The following SLC7A1 variants were observed in gnomAD, a reference collection of about 807,000 sequenced individuals.
SLC7A1 encodes the protein solute carrier family 7 member 1.
In SLC7A1, 10 loss-of-function variants were observed where a neutral mutation model predicts 53.9. The ratio of observed to expected loss-of-function variants is 0.19; its 90% CI spans 0.11 to 0.31. The LOEUF is 0.31. Ranked by LOEUF, SLC7A1 falls within the 10% of genes least tolerant of loss-of-function variation. The probability of loss-of-function intolerance (pLI) is 1.00; values close to 1 mark genes in which losing one functional copy is unlikely to be tolerated. For missense variants in SLC7A1, 525 were observed against 827.2 expected, an observed-to-expected ratio of 0.63 and a Z score of 4.48; for synonymous variants, 342 against 338.7, an observed-to-expected ratio of 1.01 and a Z score of -0.11.
rs1753727976 is a variant in SLC7A1, at chr13:29,512,880, A to T, written c.*1600T>A. On this transcript the variant is annotated 3_prime_UTR_variant, in exon 13 of 13. Transcript: ENST00000380752. ...AACCTTCTGGGGGCACAGGGAGGGT[A>T]CAAGTGCCCTCAATTTATCAGGCTT... 6.6e-6 allele frequency: 1 copy of T among 152,268 alleles called. No individual in the cohort carries two copies. The highest frequency in any genetic ancestry group is 1.5e-5 in the Non-Finnish European group (1 of 68,054). The allele number at this position is 152,268 out of a possible 1,614,324, so 9.4% of individuals were successfully genotyped here.
intron 8 of SLC7A1, 35 bp from the exon 9 acceptor site, chr13:29,519,584 C>T: frequency 7.4e-7 from 1 of 1,342,292 alleles, no homozygotes; most frequent in Non-Finnish European, 1.1e-6. Flanking sequence ...CTGTGGAGGG[C>T]CATCTGCATG....
At chr13:29,583,513 T>G (rs967301878) in intron 1 of SLC7A1, among the ~76,000 whole-genome samples, 1 of 152,184 alleles carries the variant, frequency 6.6e-6, no homozygotes, top group Admixed American at 6.5e-5. Context: ...TCAAACTCTA[T>G]GCAGGGTGAC....
Position 29,511,331 on chromosome 13 carries a change from GT to G in SLC7A1, c.*3148del, listed in dbSNP as rs1883382640. On this transcript the variant is annotated 3_prime_UTR_variant, in exon 13 of 13. Coordinates refer to ENST00000380752, the MANE Select transcript of SLC7A1 (RefSeq NM_003045.5). ...GAGAAAATAAGTCACAGTGGAAAGA[GT>G]TTTTACTGCTGCAAAAACCAAAAGT... The G allele has an allele frequency of 6.6e-6, 1 of 152,260 alleles. No homozygotes were observed. The highest frequency in any genetic ancestry group is 6.5e-5 in the Admixed American group (1 of 15,286). 9.4% of individuals were successfully genotyped at this position (152,260 alleles called of 1,614,324 possible). A position where few individuals can be genotyped will look rare whatever the true frequency, so the allele number is the denominator to read the frequency against.
intron 3 of SLC7A1, among the ~76,000 whole-genome samples, chr13:29,535,521 G>T (rs897638839): frequency 1.3e-4 from 20 of 152,140 alleles, no homozygotes; most frequent in African/African-American, 4.8e-4. Flanking sequence ...TTAAAAGAAT[G>T]AATGAATGAA....
chr13:29,584,117 T>C (rs1242655689), intron 1 of SLC7A1, among the ~76,000 whole-genome samples: 2 of 109,988 alleles, frequency 1.8e-5, no homozygotes, highest in African/African-American at 2.5e-5. Flanking sequence ...AACTTTTTTT[T>C]TCTTTTTTTT....
intron 2 of SLC7A1, among the ~76,000 whole-genome samples, chr13:29,538,691 T>C (rs1294760932): frequency 6.6e-6 from 1 of 152,228 alleles, no homozygotes; most frequent in Non-Finnish European, 1.5e-5. Context: ...TCAAGTCAAA[T>C]TGCAAAGCAC....
At chr13:29,570,407 T>C (rs1295145003) in intron 1 of SLC7A1, among the ~76,000 whole-genome samples, 1 of 152,236 alleles carries the variant, frequency 6.6e-6, no homozygotes, top group Non-Finnish European at 1.5e-5. Flanking sequence ...CAAGTTACGC[T>C]ATGTTGCTGT....
At chr13:29,540,493 T>C (rs1221600146) in intron 2 of SLC7A1, among the ~76,000 whole-genome samples, 2 of 152,180 alleles carry the variant, frequency 1.3e-5, no homozygotes, top group African/African-American at 4.8e-5. Context: ...GACTCTCTTA[T>C]GTTCTATTTT....
chr13:29,530,778 G>A (rs1743258699), intron 4 of SLC7A1, 66 bp from the exon 5 acceptor site: 2 of 1,385,212 alleles, frequency 1.4e-6, no homozygotes, highest in Admixed American at 1.8e-5. Flanking sequence ...GGTCCTTCCT[G>A]GATGGGGATA....
chr13:29,553,470 G>A (rs1031369539), intron 2 of SLC7A1, among the ~76,000 whole-genome samples: 1 of 150,752 alleles, frequency 6.6e-6, no homozygotes, highest in Non-Finnish European at 1.5e-5. Context: ...GGAAGGCCTG[G>A]CCAGCCGTAG....
Position 29,514,528 on chromosome 13 carries a change from A to G in SLC7A1, c.1842T>C (p.Asp614=), listed in dbSNP as rs1162274039. 1 of 1,611,510 alleles carries G rather than the reference A, an allele frequency of 6.2e-7. No homozygotes were observed. Among genetic ancestry groups the G allele is most frequent in the South Asian group, 1.1e-5 (1 of 91,066 alleles). The change falls in exon 13 of 13, where the codon GAT becomes GAC. Residue 614 remains aspartate, a synonymous_variant. Transcript: ENST00000380752. ...GLWHSEEASL[D]ADQARTPDGN... is the part of the protein sequence containing the mutation. ...CGTCAGGAGTCCTTGCTTGGTCGGC[A>G]TCCAGGGACGCCTCCTCGCTGTGCC...
rs1470282167 is a variant in SLC7A1 at position 29,530,813 on chromosome 13, A to C, written c.530-101T>G. On this transcript the variant is annotated intron_variant, in intron 4 of 12. Coordinates refer to ENST00000380752, the MANE Select transcript of SLC7A1 (RefSeq NM_003045.5). ...AAGAAGGCGACTGAAAAAGAATCCAAGTGCATCGAGCCTCTGCAGACCTCT... is the reference window on the plus strand; with the variant it reads ...AAGAAGGCGACTGAAAAAGAATCCACGTGCATCGAGCCTCTGCAGACCTCT... 7.7e-6 allele frequency: 7 copies of C among 907,922 alleles called. No individual in the cohort carries two copies. The East Asian group carries it at 1.5e-4, about 20-fold the overall frequency. The allele number at this position is 907,922 out of a possible 1,614,324, so 56.2% of individuals were successfully genotyped here.
At position 29,517,628 on chromosome 13, in the gene SLC7A1, G is replaced by A. The variant is rs917342884; in HGVS notation, c.1455C>T (p.Asn485=). The change falls in exon 10 of 13, where the codon AAC becomes AAT. Residue 485 remains asparagine (N), a synonymous_variant. Transcript: ENST00000380752. ...GCCCAGAGATTTTGGAAGGCTCCATGTTTTTGGGTGAGAGTATGGTTTTCA... is the reference window on the plus strand; with the variant it reads ...GCCCAGAGATTTTGGAAGGCTCCATATTTTTGGGTGAGAGTATGGTTTTCA... ...FSLKTILSPK[N]MEPSKISGLI... 2 of 1,614,116 alleles carry A rather than the reference G, an allele frequency of 1.2e-6. No homozygotes were observed. The highest frequency in any genetic ancestry group is 1.6e-4 in the Middle Eastern group (1 of 6,084).
At chr13:29,537,317 C>A (rs546577426) in intron 2 of SLC7A1, among the ~76,000 whole-genome samples, 2 of 152,320 alleles carry the variant, frequency 1.3e-5, no homozygotes, top group East Asian at 3.9e-4. Context: ...GTCTTTCCCC[C>A]AAAAACCCAC....
At chr13:29,570,533 C>A (rs1871147889) in intron 1 of SLC7A1, among the ~76,000 whole-genome samples, 1 of 152,176 alleles carries the variant, frequency 6.6e-6, no homozygotes, top group Admixed American at 6.5e-5. Context: ...AGAAGTTAAA[C>A]TCTCAGGTTA....
Position 29,522,367 on chromosome 13 carries a change from T to TCATTGA in SLC7A1, c.1133_1138dup (p.Val378_Asn379dup). 6.2e-7 allele frequency: 1 copy of TCATTGA among 1,614,192 alleles called. No homozygotes were observed. Among genetic ancestry groups the TCATTGA allele is most frequent in the East Asian group, 2.2e-5 (1 of 44,890 alleles). On this transcript the variant is annotated inframe_insertion, in exon 8 of 13. Coordinates refer to ENST00000380752, the MANE Select transcript of SLC7A1 (RefSeq NM_003045.5). ...GGCGATTATTGGTGTTTTGGTCCTA[T>TCATTGA]CATTGACGTTGGCTAAGAATTTAAA...
chr13:29,549,319 C>T (rs1397968865), intron 2 of SLC7A1, among the ~76,000 whole-genome samples: 2 of 152,180 alleles, frequency 1.3e-5, no homozygotes, highest in African/African-American at 2.4e-5. Context: ...GCCCAGGATG[C>T]GGGACCAGTG....
At chr13:29,576,538 T>C (rs976979877) in intron 1 of SLC7A1, among the ~76,000 whole-genome samples, 4 of 152,234 alleles carry the variant, frequency 2.6e-5, no homozygotes, top group African/African-American at 9.6e-5. Flanking sequence ...ATCAAACCTA[T>C]ACTTGGTGGA....
intron 10 of SLC7A1, 121 bp from the exon 11 acceptor site, chr13:29,517,431 A>G (rs1464683637): frequency 8.0e-7 from 1 of 1,243,966 alleles, no homozygotes; most frequent in Non-Finnish European, 1.2e-6. Context: ...GCACAACTAC[A>G]GTTAACACAG....
Sources: allele counts gnomAD v4.1 joint callset (sites outside exome capture counted in the v4.1 genomes callset), GRCh38; gene constraint gnomAD v4.1.1; transcripts MANE v1.5; gene names NCBI Gene and HGNC (gene_info 2026-07-23, HGNC 2026-07-21).